KCNH5: variants seen among roughly 807,000 people sequenced by gnomAD.
The protein encoded by KCNH5 is voltage-gated delayed rectifier potassium channel KCNH5.
A neutral mutation model predicts 96.1 loss-of-function variants in KCNH5; 46 were observed. That is an observed-to-expected ratio of 0.48 (90% CI 0.38 to 0.61). The LOEUF (loss-of-function observed/expected upper bound fraction) is 0.61, where lower values mean the gene tolerates loss of function less well. KCNH5 is among the 20% of genes least tolerant of loss of function. The pLI, the probability that KCNH5 is intolerant of heterozygous loss-of-function variation, is 0.00. For synonymous variants in KCNH5, 439 were observed against 449.8 expected (o/e 0.98, Z 0.30); for missense variants, 907 against 1,225.8 (o/e 0.74, Z 3.88).
chr14:62,749,627 T>C (rs1437928547), intron 10 of KCNH5, among the ~76,000 whole-genome samples: 1 of 152,238 alleles, frequency 6.6e-6, no homozygotes, highest in Non-Finnish European at 1.5e-5. Context: ...AAAGTATCTA[T>C]GTCTATTAGG....
chr14:62,976,313 G>C (rs1890498017), intron 6 of KCNH5, among the ~76,000 whole-genome samples: 1 of 150,036 alleles, frequency 6.7e-6, no homozygotes. Context: ...TGTGGCAGGA[G>C]AATGGCGTGA....
At chr14:62,978,320 C>T (rs1227111535) in intron 6 of KCNH5, among the ~76,000 whole-genome samples, 4 of 152,150 alleles carry the variant, frequency 2.6e-5, no homozygotes, top group Non-Finnish European at 5.9e-5. Context: ...TGCCGCTGAC[C>T]GTACTCCACA....
At chr14:62,767,254 A>G (rs1193645602) in intron 10 of KCNH5, among the ~76,000 whole-genome samples, 1 of 152,222 alleles carries the variant, frequency 6.6e-6, no homozygotes, top group African/African-American at 2.4e-5. Flanking sequence ...CTACTGTGGA[A>G]AGCAGCTTGG....
At chr14:62,862,723 C>A (rs1405686369) in intron 7 of KCNH5, among the ~76,000 whole-genome samples, 1 of 152,144 alleles carries the variant, frequency 6.6e-6, no homozygotes, top group Non-Finnish European at 1.5e-5. Context: ...TGAGGGACAA[C>A]AAGAGAGCAA....
chr14:62,903,812 T>A (rs371979449), intron 7 of KCNH5, among the ~76,000 whole-genome samples: 72 of 152,174 alleles, frequency 4.7e-4, no homozygotes, highest in African/African-American at 1.6e-3. Flanking sequence ...TGTGGGGCTA[T>A]CAAAGTTACA....
At chr14:62,844,137 T>C (rs897015947) in intron 8 of KCNH5, among the ~76,000 whole-genome samples, 1 of 152,210 alleles carries the variant, frequency 6.6e-6, no homozygotes, top group African/African-American at 2.4e-5. Flanking sequence ...TTTCATATAA[T>C]AGCATCTTCC....
intron 8 of KCNH5, among the ~76,000 whole-genome samples, 169 bp from the exon 9 acceptor site, chr14:62,802,750 G>C (rs1323961669): frequency 6.6e-6 from 1 of 152,188 alleles, no homozygotes; most frequent in Admixed American, 6.6e-5. Flanking sequence ...CGCTCTCAAG[G>C]AGGTAATAAT....
At chr14:63,040,557 T>G (rs1340027716) in intron 1 of KCNH5, among the ~76,000 whole-genome samples, 1 of 152,192 alleles carries the variant, frequency 6.6e-6, no homozygotes, top group Non-Finnish European at 1.5e-5. Flanking sequence ...ATTTCCTGAA[T>G]AGTGTCTTAG....
chr14:63,011,723 C>A (rs570769816), intron 2 of KCNH5, among the ~76,000 whole-genome samples: 1 of 152,098 alleles, frequency 6.6e-6, no homozygotes, highest in Non-Finnish European at 1.5e-5. Context: ...ACACCTCTGC[C>A]CTTCAACACT....
chr14:62,729,140 T>A, intron 10 of KCNH5, among the ~76,000 whole-genome samples: 1 of 152,214 alleles, frequency 6.6e-6, no homozygotes. Context: ...CCTTGGTCAG[T>A]GACCAGCCTC....
At chr14:62,873,633 A>AT (rs532346019) in intron 7 of KCNH5, among the ~76,000 whole-genome samples, 45 of 152,152 alleles carry the variant, frequency 3.0e-4, no homozygotes, top group African/African-American at 8.0e-4. Context: ...TCAAACAATT[A>AT]TTTTTTTTAC....
chr14:62,799,806 A>T (rs972691016), intron 9 of KCNH5, among the ~76,000 whole-genome samples: 1 of 135,384 alleles, frequency 7.4e-6, no homozygotes, highest in African/African-American at 2.7e-5. Context: ...TTATATATTT[A>T]ATATTTAATA....
chr14:62,838,011 A>G (rs1241713320), intron 8 of KCNH5, among the ~76,000 whole-genome samples: 1 of 152,146 alleles, frequency 6.6e-6, no homozygotes, highest in Non-Finnish European at 1.5e-5. Context: ...CTTCTCATTT[A>G]TTATCAAGAT....
At chr14:62,934,778 C>A (rs1889646580) in intron 7 of KCNH5, among the ~76,000 whole-genome samples, 1 of 152,058 alleles carries the variant, frequency 6.6e-6, no homozygotes, top group Admixed American at 6.6e-5. Flanking sequence ...AGTGCCAGGC[C>A]CTCGAGATAG....
chr14:62,941,487 C>T (rs1345635883), intron 7 of KCNH5, among the ~76,000 whole-genome samples: 1 of 152,068 alleles, frequency 6.6e-6, no homozygotes, highest in Non-Finnish European at 1.5e-5. Context: ...TGCCTATAAC[C>T]CTGAACTTGG....
At chr14:62,817,817 T>TATATATATTC in intron 8 of KCNH5, among the ~76,000 whole-genome samples, 1 of 135,068 alleles carries the variant, frequency 7.4e-6, no homozygotes, top group Non-Finnish European at 1.6e-5. Flanking sequence ...TAGGAATATA[T>TATATATATTC]TATATATATT....
At chr14:62,846,699 T>C (rs1887697919) in intron 8 of KCNH5, among the ~76,000 whole-genome samples, 1 of 151,380 alleles carries the variant, frequency 6.6e-6, no homozygotes, top group South Asian at 2.1e-4. Flanking sequence ...AGTTCTGAGA[T>C]ATCTATTCCC....
intron 8 of KCNH5, among the ~76,000 whole-genome samples, chr14:62,825,648 T>A (rs1384185483): frequency 2.0e-5 from 3 of 152,172 alleles, no homozygotes; most frequent in Non-Finnish European, 2.9e-5. Context: ...ATTAACATAT[T>A]GAACTTGTCA....
chr14:62,939,602 C>G (rs1477509821), intron 7 of KCNH5, among the ~76,000 whole-genome samples: 1 of 152,142 alleles, frequency 6.6e-6, no homozygotes, highest in African/African-American at 2.4e-5. Flanking sequence ...TTCTAAAATA[C>G]CCCACATATT....
Sources: allele counts gnomAD v4.1 joint callset (sites outside exome capture counted in the v4.1 genomes callset), GRCh38; gene constraint gnomAD v4.1.1; transcripts MANE v1.5; gene names NCBI Gene and HGNC (gene_info 2026-07-23, HGNC 2026-07-21).